Variants in ADAMTS9 observed in about 807,000 individuals in gnomAD.
ADAMTS9 encodes ADAM metallopeptidase with thrombospondin type 1 motif 9.
Under a neutral mutation model 257.1 loss-of-function variants are expected in ADAMTS9, and 107 were observed. That is an observed-to-expected ratio of 0.42 (90% CI 0.36 to 0.49). ADAMTS9 has a LOEUF of 0.49. ADAMTS9 is among the 20% of genes least tolerant of loss of function. The probability of loss-of-function intolerance (pLI) is 0.03; values close to 1 mark genes in which losing one functional copy is unlikely to be tolerated. For missense variants in ADAMTS9, 2,353 were observed against 2,469.1 expected (o/e 0.95, Z 1.00); for synonymous variants, 982 against 880.9 (o/e 1.11, Z -2.03).
At chr3:64,533,076 T>C in intron 38 of ADAMTS9, 90 bp downstream of exon 38, 1 of 1,196,376 alleles carries the variant, frequency 8.4e-7, no homozygotes, top group South Asian at 1.4e-5. Context: ...CACATTCGTT[T>C]GCTCCTTCAG....
intron 38 of ADAMTS9, among the ~76,000 whole-genome samples, chr3:64,525,654 A>G (rs2082900887): frequency 6.6e-6 from 1 of 152,024 alleles, no homozygotes; most frequent in Non-Finnish European, 1.5e-5. Flanking sequence ...CTTGTCACCC[A>G]GGCTGCAGTG....
intron 28 of ADAMTS9, among the ~76,000 whole-genome samples, chr3:64,580,379 A>C (rs7649080): frequency 0.28 from 42,934 of 151,760 alleles, 6,759 homozygotes; most frequent in East Asian, 0.58. Flanking sequence ...AGATTTTGTA[A>C]AGTGAATTTG....
At chr3:64,605,716 T>C (rs2106818960) in intron 23 of ADAMTS9, among the ~76,000 whole-genome samples, 1 of 152,308 alleles carries the variant, frequency 6.6e-6, no homozygotes, top group East Asian at 1.9e-4. Context: ...TGGTGAGTGG[T>C]TATCCACCAG....
chr3:64,649,014 A>G (rs1028258928), intron 10 of ADAMTS9, among the ~76,000 whole-genome samples: 1 of 152,164 alleles, frequency 6.6e-6, no homozygotes, highest in African/African-American at 2.4e-5. Context: ...GCCACCCCAA[A>G]GAGACAGAAT....
chr3:64,611,075 C>CAAAA (rs34998404), intron 22 of ADAMTS9, among the ~76,000 whole-genome samples: 4 of 72,160 alleles, frequency 5.5e-5, no homozygotes, highest in Non-Finnish European at 8.0e-5. Context: ...GACTCTGTCT[C>CAAAA]AAAAAAAAAA....
chr3:64,600,199 G>C (rs776915832), intron 26 of ADAMTS9, among the ~76,000 whole-genome samples: 5 of 151,864 alleles, frequency 3.3e-5, no homozygotes, highest in Non-Finnish European at 4.4e-5. Flanking sequence ...ACCCTTTGCC[G>C]CCTTTTCTGC....
intron 8 of ADAMTS9, among the ~76,000 whole-genome samples, chr3:64,652,494 A>C (rs1700954392): frequency 6.6e-6 from 1 of 152,204 alleles, no homozygotes; most frequent in African/African-American, 2.4e-5. Context: ...AAGGCATTCA[A>C]ATCTTAGTGG....
intron 10 of ADAMTS9, 24 bp downstream of exon 10, chr3:64,649,609 AGGGC>A (rs1408243534): frequency 1.3e-6 from 2 of 1,577,592 alleles, no homozygotes; most frequent in South Asian, 2.3e-5. Flanking sequence ...TCAGTAGATG[AGGGC>A]AGAAGTGGCC....
chr3:64,518,763 C>CT (rs1491154708), intron 39 of ADAMTS9, among the ~76,000 whole-genome samples: 2,745 of 88,648 alleles, frequency 0.031, 343 homozygotes, highest in Admixed American at 0.22. Flanking sequence ...ATTACCTTTT[C>CT]ATTTTTTTTT....
intron 3 of ADAMTS9, among the ~76,000 whole-genome samples, chr3:64,666,752 T>A (rs1701361486): frequency 6.6e-6 from 1 of 152,228 alleles, no homozygotes; most frequent in Non-Finnish European, 1.5e-5. Context: ...ATATTTAACA[T>A]AATAATAATT....
At chr3:64,608,928 G>A (rs1488287392) in intron 22 of ADAMTS9, among the ~76,000 whole-genome samples, 1 of 151,926 alleles carries the variant, frequency 6.6e-6, no homozygotes, top group African/African-American at 2.4e-5. Context: ...AGTACATCAT[G>A]GCCAAGTGGG....
chr3:64,517,422 T>TTTTG lies in ADAMTS9; in HGVS notation c.*6-302_*6-301insCAAA, dbSNP rs1211948266. On this transcript the variant is annotated intron_variant, in intron 39 of 39. Transcript: ENST00000498707. Reference sequence around the variant, plus strand: ...GCCCAGCTAATTAAAAATGGTTTTTTTTTTTTTTTTTTTTTTTGCAGAAAT... The same window carrying TTTTG: ...GCCCAGCTAATTAAAAATGGTTTTTTTTTGTTTTTTTTTTTTTTTTTGCAGAAAT... Among the ~76,000 whole-genome samples the TTTTG allele has an allele frequency of 6.5e-5, 8 of 122,922 alleles. No individual in the cohort carries two copies. In the East Asian group the frequency reaches 1.9e-3, roughly 30 times the overall value. The allele number at this position is 122,922 out of a possible 152,430, so 80.6% of individuals were successfully genotyped here. A position where few individuals can be genotyped will look rare whatever the true frequency, so the allele number is the denominator to read the frequency against.
At chr3:64,636,744 TAAAG>T (rs1387057830) in intron 12 of ADAMTS9, among the ~76,000 whole-genome samples, 1 of 152,218 alleles carries the variant, frequency 6.6e-6, no homozygotes, top group African/African-American at 2.4e-5. Context: ...TGTCCATAAA[TAAAG>T]ATTTATTGGA....
rs2084474104 is a variant in ADAMTS9 at position 64,602,146 on chromosome 3, A to T, written c.3815T>A (p.Val1272Glu). The T allele has an allele frequency of 6.2e-7, 1 of 1,614,126 alleles. No individual in the cohort carries two copies. Among genetic ancestry groups the T allele is most frequent in the Non-Finnish European group, 8.5e-7 (1 of 1,180,002 alleles). The change falls in exon 26 of 40, where the codon GTG becomes GAG. Residue 1272 changes from valine to glutamate, a missense_variant. Physicochemically the swap from Val to Glu is moderately radical, Grantham distance 121 (BLOSUM62 -2). Transcript: ENST00000498707. ...QVMCVNYSDH[V>E]IDRSECDQDY... ...CTGGTCACACTCACTCCGATCGATC[A>T]CGTGGTCACTGTAGTTGACACACAT... is the stretch of plus-strand genomic sequence containing the variant.
At chr3:64,574,441 G>T (rs557615615) in intron 28 of ADAMTS9, among the ~76,000 whole-genome samples, 1 of 151,438 alleles carries the variant, frequency 6.6e-6, no homozygotes, top group African/African-American at 2.4e-5. Flanking sequence ...CATACAGCAT[G>T]GCTGGTCACT....
intron 30 of ADAMTS9, among the ~76,000 whole-genome samples, chr3:64,555,429 G>A (rs1031070893): frequency 6.6e-6 from 1 of 151,990 alleles, no homozygotes; most frequent in African/African-American, 2.4e-5. Context: ...TCTATGCTGG[G>A]GCCCCGGGAG....
chr3:64,642,099 G>T, intron 11 of ADAMTS9, 106 bp from the exon 12 acceptor site: 1 of 1,289,016 alleles, frequency 7.8e-7, no homozygotes, highest in East Asian at 2.3e-5. Flanking sequence ...CCATGTGTGG[G>T]TTTGAAATGC....
chr3:64,677,859 T>A (rs1352081284), intron 3 of ADAMTS9, among the ~76,000 whole-genome samples: 1 of 152,214 alleles, frequency 6.6e-6, no homozygotes, highest in Non-Finnish European at 1.5e-5. Flanking sequence ...GATGGCTAAC[T>A]GAATAAATGC....
chr3:64,613,272 A>T (rs376752430), intron 22 of ADAMTS9, 73 bp downstream of exon 22: 2 of 1,549,978 alleles, frequency 1.3e-6, no homozygotes, highest in East Asian at 4.5e-5. Context: ...CACCACTGGA[A>T]TGCTCCTTTG....
Sources: gnomAD v4.1 joint callset for allele counts (sites outside exome capture counted in the v4.1 genomes callset) on GRCh38, gnomAD v4.1.1 for gene constraint, MANE v1.5 for transcripts, NCBI Gene and HGNC (gene_info 2026-07-23, HGNC 2026-07-21) for gene names.